EHD4: variants seen among roughly 807,000 people sequenced by gnomAD.
EHD4 encodes EH domain containing 4, also known as EH domain-containing protein 4.
Under a neutral mutation model 51.0 loss-of-function variants are expected in EHD4, and 37 were observed. The observed-to-expected ratio is 0.73, with a 90% CI of 0.56 to 0.95. The LOEUF (loss-of-function observed/expected upper bound fraction) is 0.95, where lower values mean the gene tolerates loss of function less well. Ranked by LOEUF, EHD4 falls within the 40% of genes least tolerant of loss-of-function variation. EHD4 has a pLI of 0.00. For synonymous variants in EHD4, 297 were observed against 317.3 expected (o/e 0.94, Z 0.68); for missense variants, 632 against 733.1 (o/e 0.86, Z 1.59).
chr15:41,914,139 C>T (rs1329789070), intron 4 of EHD4, among the ~76,000 whole-genome samples: 5 of 152,080 alleles, frequency 3.3e-5, no homozygotes, highest in Non-Finnish European at 7.3e-5. Context: ...TCAGCGAGTG[C>T]TGGATGCTGG....
intron 3 of EHD4, among the ~76,000 whole-genome samples, chr15:41,929,506 C>T (rs948439294): frequency 2.6e-5 from 4 of 152,200 alleles, no homozygotes; most frequent in East Asian, 1.9e-4. Context: ...AATTGGGTTT[C>T]GCATCTCACT....
rs753981380 is a variant in EHD4 at position 41,919,558 on chromosome 15, A to G, written c.576T>C (p.Phe192=). ...CTGAGATGTCCAGCTTGTGAGCGTC[A>G]AAGAGCAGGATGATCCTGTCCACCC... ...AERVDRIILL[F]DAHKLDISDE... The change falls in exon 4 of 6, where the codon TTT becomes TTC. Residue 192 remains phenylalanine, a synonymous_variant. Coordinates refer to ENST00000220325, the MANE Select transcript of EHD4 (RefSeq NM_139265.4). The G allele has an allele frequency of 1.3e-6, 2 of 1,528,944 alleles. No homozygotes were observed. The highest frequency in any genetic ancestry group is 4.5e-5 in the East Asian group (2 of 44,288). The allele number at this position is 1,528,944 out of a possible 1,614,324, so 94.7% of individuals were successfully genotyped here.
chr15:41,901,015 C>A lies in EHD4; in HGVS notation c.1256G>T (p.Gly419Val). 1 of 1,607,868 alleles carries A rather than the reference C, an allele frequency of 6.2e-7. No individual in the cohort carries two copies. ...TQLVQGGAFD[G>V]TTEGPFNQGY... ...CTGGTTGAAGGGGCCCTCGGTGGTG[C>A]CATCGAAGGCGCCGCCCTGCACCAG... Residue 419 changes from glycine to valine, a missense_variant, in exon 6 of 6, where the codon GGC becomes GTC. Transcript: ENST00000220325.
intron 3 of EHD4, among the ~76,000 whole-genome samples, chr15:41,939,629 G>A (rs1018038651): frequency 1.3e-5 from 2 of 150,958 alleles, no homozygotes; most frequent in African/African-American, 2.4e-5. Flanking sequence ...GTGAAACCCC[G>A]TCACTTCTAA....
intron 4 of EHD4, among the ~76,000 whole-genome samples, chr15:41,914,201 T>C (rs2067568153): frequency 1.3e-5 from 2 of 152,140 alleles, no homozygotes; most frequent in South Asian, 4.1e-4. Flanking sequence ...GATCAGGCAG[T>C]AGTTTGGGGA....
At chr15:41,968,101 C>G (rs762173581) in intron 1 of EHD4, among the ~76,000 whole-genome samples, 1 of 152,130 alleles carries the variant, frequency 6.6e-6, no homozygotes, top group Non-Finnish European at 1.5e-5. Context: ...CTTCCTGATT[C>G]TTGTTCTTGT....
intron 3 of EHD4, among the ~76,000 whole-genome samples, chr15:41,937,250 A>G (rs2067737765): frequency 6.6e-6 from 1 of 152,158 alleles, no homozygotes; most frequent in African/African-American, 2.4e-5. Flanking sequence ...TTCCAGCCAC[A>G]TGCACAGCTT....
chr15:41,930,998 G>A lies in EHD4; in HGVS notation c.512-11376C>T, dbSNP rs868192747. On this transcript the variant is annotated intron_variant, in intron 3 of 5. Transcript: ENST00000220325. ...AAAATTAGAATCATAATGAGATGGT[G>A]GGCATGTAAACAGGCATGCCTTCTA... 1.4e-4 allele frequency among the ~76,000 whole-genome samples: 22 copies of A among 152,230 alleles called. No homozygotes were observed. The Middle Eastern group carries it at 0.01, about 71-fold the overall frequency.
intron 4 of EHD4, among the ~76,000 whole-genome samples, chr15:41,911,924 C>A (rs552648963): frequency 3.1e-4 from 47 of 152,284 alleles, no homozygotes; most frequent in Admixed American, 2.8e-3. Flanking sequence ...TGACTCCTCA[C>A]CCACTCCCTG....
intron 2 of EHD4, among the ~76,000 whole-genome samples, chr15:41,952,217 C>T (rs1370127188): frequency 6.6e-6 from 1 of 152,204 alleles, no homozygotes; most frequent in East Asian, 1.9e-4. Context: ...CGCGATGAGG[C>T]GCTTCGGCCT....
rs1292555072 is a variant in EHD4 at position 41,897,431 on chromosome 15, G to A, written c.*3214C>T. On this transcript the variant is annotated 3_prime_UTR_variant, in exon 6 of 6. Transcript: ENST00000220325. Reference sequence around the variant, plus strand: ...ACGACAAGTGTTCAAAAGAGAACCAGGCCCAGCCCGGAGAAAGGAAAGCCA... The same window carrying A: ...ACGACAAGTGTTCAAAAGAGAACCAAGCCCAGCCCGGAGAAAGGAAAGCCA... 1 of 152,322 alleles carries A rather than the reference G, an allele frequency of 6.6e-6. No homozygotes were observed. Among genetic ancestry groups the A allele is most frequent in the Non-Finnish European group, 1.5e-5 (1 of 68,122 alleles). 9.4% of individuals were successfully genotyped at this position (152,322 alleles called of 1,614,324 possible). A position where few individuals can be genotyped will look rare whatever the true frequency, so the allele number is the denominator to read the frequency against.
chr15:41,957,322 C>T (rs983893356), intron 1 of EHD4, among the ~76,000 whole-genome samples: 1 of 152,028 alleles, frequency 6.6e-6, no homozygotes, highest in African/African-American at 2.4e-5. Context: ...CAGAGTGAGA[C>T]CCTGTCTCTA....
At chr15:41,918,878 T>C (rs771104514) in intron 4 of EHD4, among the ~76,000 whole-genome samples, 11 of 152,204 alleles carry the variant, frequency 7.2e-5, no homozygotes, top group Non-Finnish European at 1.3e-4. Flanking sequence ...TACCATGTAG[T>C]GGGTGCACTG....
chr15:41,934,657 C>A (rs2067720213), intron 3 of EHD4, among the ~76,000 whole-genome samples: 1 of 152,128 alleles, frequency 6.6e-6, no homozygotes, highest in Non-Finnish European at 1.5e-5. Context: ...TGTCTGTGGA[C>A]CCTGGGGCTC....
intron 3 of EHD4, among the ~76,000 whole-genome samples, chr15:41,933,667 G>C (rs2067712978): frequency 6.6e-6 from 1 of 152,224 alleles, no homozygotes; most frequent in African/African-American, 2.4e-5. Flanking sequence ...GTGATTAGGA[G>C]GGAGAGAAGC....
chr15:41,909,846 G>A lies in EHD4; in HGVS notation c.942C>T (p.Ile314=), dbSNP rs777446463. Residue 314 remains isoleucine, a synonymous_variant, in exon 5 of 6, where the codon ATC becomes ATT. Coordinates refer to ENST00000220325, the MANE Select transcript of EHD4 (RefSeq NM_139265.4). Reference sequence around the variant, plus strand: ...TTGGCATCTCCTTCTTCAGGTAGCTGATGATGTAGGCATGCACCTGGAGGG... The same window carrying A: ...TTGGCATCTCCTTCTTCAGGTAGCTAATGATGTAGGCATGCACCTGGAGGG... ...ARLAKVHAYI[I]SYLKKEMPSV... 1 of 1,614,118 alleles carries A rather than the reference G, an allele frequency of 6.2e-7. No homozygotes were observed. The highest frequency in any genetic ancestry group is 8.5e-7 in the Non-Finnish European group (1 of 1,180,054).
intron 3 of EHD4, among the ~76,000 whole-genome samples, 200 bp from the exon 4 acceptor site, chr15:41,919,822 G>A (rs966352126): frequency 2.0e-5 from 3 of 151,516 alleles, no homozygotes; most frequent in Admixed American, 2.0e-4. Flanking sequence ...CCCTTCCACA[G>A]GAGGAGGGAG....
At chr15:41,944,363 C>T (rs2067797239) in intron 2 of EHD4, among the ~76,000 whole-genome samples, 1 of 152,176 alleles carries the variant, frequency 6.6e-6, no homozygotes, top group Non-Finnish European at 1.5e-5. Context: ...TGTAGAATGC[C>T]TCTCCTTTTC....
intron 3 of EHD4, 47 bp downstream of exon 3, chr15:41,943,020 G>C: frequency 6.9e-7 from 1 of 1,447,556 alleles, no homozygotes; most frequent in Non-Finnish European, 9.5e-7. Context: ...ACAGCAGAGA[G>C]GGCCTCAGCC....
Sources: gnomAD v4.1 joint callset for allele counts (sites outside exome capture counted in the v4.1 genomes callset) on GRCh38, gnomAD v4.1.1 for gene constraint, MANE v1.5 for transcripts, NCBI Gene and HGNC (gene_info 2026-07-23, HGNC 2026-07-21) for gene names.